Variants in MTUS2 observed in about 807,000 individuals in gnomAD.
The protein encoded by MTUS2 is microtubule associated scaffold protein 2.
In MTUS2, 40 loss-of-function variants were observed where a neutral mutation model predicts 114.1. That is an observed-to-expected ratio of 0.35 (90% confidence interval 0.27 to 0.46). The LOEUF is 0.46. Ranked by LOEUF, MTUS2 falls within the 20% of genes least tolerant of loss-of-function variation. The pLI is 1.00. For synonymous variants in MTUS2, 688 were observed against 672.0 expected (o/e 1.02, Z -0.37); for missense variants, 1,679 against 1,705.4 (o/e 0.98, Z 0.27).
At chr13:28,830,555 A>T (rs897919966) in intron 1 of MTUS2, among the ~76,000 whole-genome samples, 1 of 152,206 alleles carries the variant, frequency 6.6e-6, no homozygotes, top group Non-Finnish European at 1.5e-5. Flanking sequence ...AACTAGCAGA[A>T]GAAAGAATCG....
chr13:29,269,608 G>A (rs189973032), intron 5 of MTUS2, among the ~76,000 whole-genome samples: 1 of 152,168 alleles, frequency 6.6e-6, no homozygotes, highest in South Asian at 2.1e-4. Flanking sequence ...TATACTGTCG[G>A]TGAGCGTGTA....
intron 5 of MTUS2, among the ~76,000 whole-genome samples, chr13:29,102,816 C>T (rs951358383): frequency 2.6e-5 from 4 of 152,098 alleles, no homozygotes; most frequent in South Asian, 2.1e-4. Flanking sequence ...TGTTCTTTAG[C>T]GAAGAGATGA....
intron 5 of MTUS2, among the ~76,000 whole-genome samples, chr13:29,219,830 C>A (rs1240684227): frequency 6.6e-6 from 1 of 152,220 alleles, no homozygotes; most frequent in Non-Finnish European, 1.5e-5. Flanking sequence ...CTTTACCTCT[C>A]TCAGCCTTCA....
intron 8 of MTUS2, among the ~76,000 whole-genome samples, chr13:29,390,460 C>G (rs1282518585): frequency 3.3e-5 from 5 of 151,592 alleles, no homozygotes; most frequent in Non-Finnish European, 5.9e-5. Context: ...TCGAGACCAG[C>G]CTGGCCAACA....
intron 2 of MTUS2, among the ~76,000 whole-genome samples, chr13:28,861,909 G>C (rs1048144289): frequency 1.3e-5 from 2 of 152,036 alleles, no homozygotes; most frequent in African/African-American, 4.8e-5. Context: ...ACCCCCATAC[G>C]CTCCTTCCCT....
chr13:28,871,861 G>T (rs1158116854), intron 2 of MTUS2, among the ~76,000 whole-genome samples: 1 of 152,122 alleles, frequency 6.6e-6, no homozygotes, highest in Non-Finnish European at 1.5e-5. Context: ...CAGGGGAGGA[G>T]TGGCCCAGGT....
At chr13:29,041,484 A>G (rs1369808771) in intron 4 of MTUS2, among the ~76,000 whole-genome samples, 2 of 152,092 alleles carry the variant, frequency 1.3e-5, no homozygotes, top group Non-Finnish European at 2.9e-5. Context: ...GTGAAGAATG[A>G]TGGTGGTATA....
chr13:28,864,520 T>C (rs1054013693), intron 2 of MTUS2, among the ~76,000 whole-genome samples: 2 of 152,118 alleles, frequency 1.3e-5, no homozygotes, highest in African/African-American at 4.8e-5. Context: ...TTAACAGAAG[T>C]TAAAACACAT....
At chr13:28,922,027 A>G (rs1355794411) in intron 2 of MTUS2, among the ~76,000 whole-genome samples, 2 of 152,116 alleles carry the variant, frequency 1.3e-5, no homozygotes, top group African/African-American at 4.8e-5. Flanking sequence ...CGTGTTGGGT[A>G]GGGACCTGGT....
intron 5 of MTUS2, among the ~76,000 whole-genome samples, chr13:29,121,029 T>A (rs1379080332): frequency 6.6e-6 from 1 of 152,222 alleles, no homozygotes; most frequent in Non-Finnish European, 1.5e-5. Context: ...CATTTGAAAT[T>A]TTGCCATCTT....
chr13:29,494,571 G>C (rs1004108066), intron 12 of MTUS2, among the ~76,000 whole-genome samples: 1 of 151,746 alleles, frequency 6.6e-6, no homozygotes, highest in Non-Finnish European at 1.5e-5. Flanking sequence ...TGGAGGGAGA[G>C]TCATTTTTAT....
At chr13:28,825,077 T>C (rs949374716) in intron 1 of MTUS2, among the ~76,000 whole-genome samples, 1 of 152,064 alleles carries the variant, frequency 6.6e-6, no homozygotes, top group Non-Finnish European at 1.5e-5. Context: ...ATGGCCAGCT[T>C]TTCCTCATGA....
At chr13:29,293,640 A>G (rs931629492) in intron 6 of MTUS2, among the ~76,000 whole-genome samples, 4 of 152,108 alleles carry the variant, frequency 2.6e-5, no homozygotes, top group Non-Finnish European at 4.4e-5. Context: ...GGAACTTTCT[A>G]TGCAGCATTG....
intron 5 of MTUS2, among the ~76,000 whole-genome samples, chr13:29,159,979 A>G (rs917300529): frequency 6.6e-6 from 1 of 152,238 alleles, no homozygotes; most frequent in Admixed American, 6.5e-5. Flanking sequence ...CAATCCAGTG[A>G]TTGTATTCCC....
At chr13:29,031,237 G>GGGGTGTGTGTGTGTGTGT (rs144071821) in intron 3 of MTUS2, among the ~76,000 whole-genome samples, 4 of 122,886 alleles carry the variant, frequency 3.3e-5, no homozygotes, top group African/African-American at 6.1e-5. Context: ...AGAACTAATA[G>GGGGTGTGTGTGTGTGTGT]GTGTGTGTGT....
Position 29,400,616 on chromosome 13 carries a change from GA to G in MTUS2, c.3118-39366del, listed in dbSNP as rs1874254127. ...CTTTGTTCCCTTCATGGACTGAATA[GA>G]GGGTCATCAGATGGCCCTATGTCAA... On this transcript the variant is annotated intron_variant, in intron 8 of 15. Transcript: ENST00000612955. Among the ~76,000 whole-genome samples the G allele has an allele frequency of 7.2e-5, 11 of 152,308 alleles. No homozygotes were observed. In the South Asian group the frequency reaches 2.3e-3, roughly 32 times the overall value.
At chr13:28,952,124 T>G (rs1882840014) in intron 2 of MTUS2, among the ~76,000 whole-genome samples, 1 of 152,218 alleles carries the variant, frequency 6.6e-6, no homozygotes, top group African/African-American at 2.4e-5. Flanking sequence ...AAAAGAAAAT[T>G]TCTTTATTTG....
At chr13:29,352,584 G>A (rs1167623743) in intron 7 of MTUS2, among the ~76,000 whole-genome samples, 1 of 152,146 alleles carries the variant, frequency 6.6e-6, no homozygotes, top group East Asian at 1.9e-4. Context: ...ATCTACTCTG[G>A]AAGTTTCATG....
intron 9 of MTUS2, among the ~76,000 whole-genome samples, chr13:29,473,775 T>A (rs4500571): frequency 0.72 from 109,325 of 152,102 alleles, 41,228 homozygotes; most frequent in Non-Finnish European, 0.84. Context: ...ATTATTTGAA[T>A]ATTTATTTTC....
Sources: gnomAD v4.1 joint callset for allele counts (sites outside exome capture counted in the v4.1 genomes callset) on GRCh38, gnomAD v4.1.1 for gene constraint, MANE v1.5 for transcripts, NCBI Gene and HGNC (gene_info 2026-07-23, HGNC 2026-07-21) for gene names.